SCN9A: variants seen among roughly 807,000 people sequenced by gnomAD.
SCN9A encodes sodium channel protein type 9 subunit alpha.
SCN9A carries 131 observed loss-of-function variants against 187.0 expected under a neutral mutation model. The observed-to-expected ratio is 0.70, with a 90% CI of 0.61 to 0.81. The LOEUF (loss-of-function observed/expected upper bound fraction) is 0.81. Ranked by LOEUF, SCN9A falls within the 30% of genes least tolerant of loss-of-function variation. The pLI, the probability that SCN9A is intolerant of heterozygous loss-of-function variation, is 0.00. For missense variants in SCN9A, 2,252 were observed against 2,396.6 expected (o/e 0.94, Z 1.26); for synonymous variants, 809 against 808.6 (o/e 1.00, Z -0.01).
At chr2:166,357,116 C>T (rs1700168078) in intron 1 of SCN9A, among the ~76,000 whole-genome samples, 1 of 152,100 alleles carries the variant, frequency 6.6e-6, no homozygotes, top group African/African-American at 2.4e-5. Context: ...CTCCTGCCAC[C>T]CTCCACCCTC....
At chr2:166,371,762 A>G (rs1700569527) in intron 1 of SCN9A, among the ~76,000 whole-genome samples, 1 of 152,204 alleles carries the variant, frequency 6.6e-6, no homozygotes, top group Non-Finnish European at 1.5e-5. Context: ...GTGATGTGTA[A>G]TATGAAGGAC....
intron 24 of SCN9A, among the ~76,000 whole-genome samples, chr2:166,217,553 A>T (rs1437366034): frequency 6.6e-6 from 1 of 152,160 alleles, no homozygotes; most frequent in Non-Finnish European, 1.5e-5. Flanking sequence ...TGGGCAAATA[A>T]TCTGAACAGA....
In SCN9A at chr2:166,251,803, G is replaced by C; in HGVS notation, c.3434C>G (p.Pro1145Arg). The C allele has an allele frequency of 6.2e-7, 1 of 1,612,618 alleles. No homozygotes were observed. The highest frequency in any genetic ancestry group is 8.5e-7 in the Non-Finnish European group (1 of 1,179,082). The change falls in exon 18 of 27, where the codon CCT becomes CGT. Residue 1145 changes from proline (P) to arginine (R), a missense_variant. Coordinates refer to ENST00000642356, the MANE Select transcript of SCN9A (RefSeq NM_001365536.1). ...GGCCTCTGGCTCATCGGAATTCATA[G>C]GTTCAGCCTCTGCTTCTTCTCCTTC... ...PGEGEEAEAEPMNSDEPEACF... is the reference protein window; with the variant it reads ...PGEGEEAEAERMNSDEPEACF...
At chr2:166,241,597 C>T (rs1248026203) in intron 19 of SCN9A, among the ~76,000 whole-genome samples, 1 of 152,076 alleles carries the variant, frequency 6.6e-6, no homozygotes, top group African/African-American at 2.4e-5. Context: ...ATACTTGTTC[C>T]CCTCAGCCTG....
At chr2:166,222,339 T>G (rs1316214405) in intron 24 of SCN9A, among the ~76,000 whole-genome samples, 1 of 152,122 alleles carries the variant, frequency 6.6e-6, no homozygotes, top group Non-Finnish European at 1.5e-5. Context: ...AAATAAAAAC[T>G]GTAATGAGGG....
chr2:166,241,280 G>C (rs1291272655), intron 19 of SCN9A, among the ~76,000 whole-genome samples: 12 of 151,960 alleles, frequency 7.9e-5, no homozygotes, highest in Admixed American at 7.9e-4. Context: ...GCTCATCTCT[G>C]TCAGCGTCAG....
chr2:166,292,422 A>C (rs924474083), intron 9 of SCN9A, among the ~76,000 whole-genome samples: 5 of 152,132 alleles, frequency 3.3e-5, no homozygotes, highest in African/African-American at 7.2e-5. Context: ...ATATTTAAAA[A>C]ATATTTGCAT....
In SCN9A at chr2:166,277,326, T is replaced by A; in HGVS notation, c.2531A>T (p.Lys844Met). 2 of 1,606,538 alleles carry A rather than the reference T, an allele frequency of 1.2e-6. No individual in the cohort carries two copies. The highest frequency in any genetic ancestry group is 1.7e-6 in the Non-Finnish European group (2 of 1,174,272). ...LRSFRLLRVF[K>M]LAKSWPTLNM... ...CAATGTTGGCCAGGATTTTGCCAAC[T>A]TGAAGACTCGGAGCTAAAAGCAAAT... The change falls in exon 16 of 27, where the codon AAG becomes ATG. Residue 844 changes from lysine to methionine, a missense_variant. Lys to Met is a moderately conservative substitution (Grantham distance 95). Transcript: ENST00000642356.
chr2:166,306,985 T>C lies in SCN9A; in HGVS notation c.348A>G (p.Arg116=). Residue 116 remains arginine, a synonymous_variant, in exon 3 of 27, where the codon AGA becomes AGG. Coordinates refer to ENST00000642356, the MANE Select transcript of SCN9A (RefSeq NM_001365536.1). The part of the protein sequence containing the change: ...LYMLSPFSPL[R]RISIKILVHS... ...GTACTAAAATCTTAATAGATATTCT[T>C]CTTAGAGGACTGAAAGGAGAAAGCA... is the stretch of plus-strand genomic sequence containing the variant. 1 of 1,603,464 alleles carries C rather than the reference T, an allele frequency of 6.2e-7. No homozygotes were observed. The highest frequency in any genetic ancestry group is 8.5e-7 in the Non-Finnish European group (1 of 1,170,670).
chr2:166,328,269 A>G (rs1261686248), intron 1 of SCN9A, among the ~76,000 whole-genome samples: 1 of 151,426 alleles, frequency 6.6e-6, no homozygotes, highest in Non-Finnish European at 1.5e-5. Context: ...TTTAACTTTT[A>G]TTTTAAGTTC....
chr2:166,329,808 G>A (rs539583140), intron 1 of SCN9A, among the ~76,000 whole-genome samples: 2 of 152,228 alleles, frequency 1.3e-5, no homozygotes, highest in African/African-American at 4.8e-5. Flanking sequence ...GAAGGAAGAT[G>A]AGTAGAAATT....
At chr2:166,270,771 A>ATAT (rs1362495631) in intron 17 of SCN9A, among the ~76,000 whole-genome samples, 1 of 150,334 alleles carries the variant, frequency 6.7e-6, no homozygotes, top group Non-Finnish European at 1.5e-5. Flanking sequence ...TGATATATAT[A>ATAT]TATATATATA....
intron 24 of SCN9A, among the ~76,000 whole-genome samples, chr2:166,210,850 A>G (rs1694058125): frequency 6.6e-6 from 1 of 152,150 alleles, no homozygotes. Context: ...ACCTGAGGTC[A>G]GGAGTTCAAG....
chr2:166,322,874 T>C (rs1264401754), intron 1 of SCN9A, among the ~76,000 whole-genome samples: 1 of 152,142 alleles, frequency 6.6e-6, no homozygotes, highest in Admixed American at 6.5e-5. Flanking sequence ...ACATCCCAGT[T>C]AAGCAACTTT....
intron 1 of SCN9A, among the ~76,000 whole-genome samples, chr2:166,352,848 C>T (rs893392594): frequency 6.6e-6 from 1 of 152,172 alleles, no homozygotes; most frequent in Admixed American, 6.5e-5. Context: ...CTGCTCCATT[C>T]TGTTGCCACC....
intron 24 of SCN9A, among the ~76,000 whole-genome samples, chr2:166,215,639 C>A (rs1280374353): frequency 6.6e-6 from 1 of 151,562 alleles, no homozygotes; most frequent in African/African-American, 2.4e-5. Flanking sequence ...AACCATACAC[C>A]ATCAAATTGA....
chr2:166,270,031 C>T (rs76262760), intron 17 of SCN9A, among the ~76,000 whole-genome samples: 6 of 152,064 alleles, frequency 3.9e-5, no homozygotes, highest in South Asian at 4.1e-4. Context: ...AAAAGGCATA[C>T]GTGGAATCTG....
chr2:166,232,238 A>G (rs1695116422), intron 21 of SCN9A, among the ~76,000 whole-genome samples: 1 of 152,218 alleles, frequency 6.6e-6, no homozygotes, highest in African/African-American at 2.4e-5. Flanking sequence ...CTGGTTTAAT[A>G]CAATCCTTAA....
intron 1 of SCN9A, among the ~76,000 whole-genome samples, chr2:166,313,552 C>T (rs762889511): frequency 7.9e-5 from 12 of 152,150 alleles, no homozygotes; most frequent in Non-Finnish European, 1.8e-4. Flanking sequence ...TTCTTCACCT[C>T]TCAGCCTTCA....
Sources: allele counts gnomAD v4.1 joint callset (sites outside exome capture counted in the v4.1 genomes callset), GRCh38; gene constraint gnomAD v4.1.1; transcripts MANE v1.5; gene names NCBI Gene and HGNC (gene_info 2026-07-23, HGNC 2026-07-21).